Variants in PRRC2B observed in about 807,000 individuals in gnomAD.
PRRC2B encodes proline rich coiled-coil 2B.
In PRRC2B, 68 loss-of-function variants were observed where a neutral mutation model predicts 242.3. That is an observed-to-expected ratio of 0.28 (90% CI 0.23 to 0.34). The LOEUF is 0.34. PRRC2B is among the 10% of genes least tolerant of loss of function. PRRC2B has a pLI of 1.00. For missense variants in PRRC2B, 2,835 were observed against 2,954.8 expected, an observed-to-expected ratio of 0.96 and a Z score of 0.94; for synonymous variants, 1,228 against 1,173.6, an observed-to-expected ratio of 1.05 and a Z score of -0.95.
chr9:131,393,930 G>A (rs879599893), upstream of PRRC2B, among the ~76,000 whole-genome samples: 14 of 147,058 alleles, frequency 9.5e-5, no homozygotes, highest in Admixed American at 4.0e-4. Context: ...GCCCTCGCCC[G>A]GCCCCCGGGC....
chr9:131,388,385 C>T (rs1396946609), intron 1 of PRRC2B, among the ~76,000 whole-genome samples: 1 of 148,442 alleles, frequency 6.7e-6, no homozygotes, highest in Non-Finnish European at 1.5e-5. Context: ...GGATTACAGG[C>T]ATACACCACC....
chr9:131,380,601 C>T (rs987161198), intron 1 of PRRC2B, among the ~76,000 whole-genome samples: 23 of 151,012 alleles, frequency 1.5e-4, no homozygotes, highest in Middle Eastern at 3.5e-3. Context: ...AAAAAAAGGC[C>T]GGCCGCAGTG....
At chr9:131,439,543 G>A (rs1485561630) in intron 5 of PRRC2B, among the ~76,000 whole-genome samples, 1 of 152,130 alleles carries the variant, frequency 6.6e-6, no homozygotes, top group Non-Finnish European at 1.5e-5. Context: ...GCCAGCCAAG[G>A]CTTCACCAGA....
chr9:131,418,364 A>G (rs1837713655), intron 1 of PRRC2B, among the ~76,000 whole-genome samples: 1 of 152,250 alleles, frequency 6.6e-6, no homozygotes. Flanking sequence ...TGTTTGCCCC[A>G]GAGAGTGTTT....
At chr9:131,413,605 A>C (rs1425104829) in intron 1 of PRRC2B, among the ~76,000 whole-genome samples, 1 of 152,196 alleles carries the variant, frequency 6.6e-6, no homozygotes, top group African/African-American at 2.4e-5. Context: ...TGGCTTCAGA[A>C]TCATCCTGCC....
At chr9:131,447,510 G>A (rs1007702252) in intron 8 of PRRC2B, among the ~76,000 whole-genome samples, 152 bp from the exon 9 acceptor site, 4 of 152,122 alleles carry the variant, frequency 2.6e-5, no homozygotes, top group Non-Finnish European at 4.4e-5. Context: ...GGATGTACTC[G>A]TTTGCTCATT....
rs201712590 is a variant in PRRC2B at position 131,430,120 on chromosome 9, C to T, written c.-25C>T. 133 of 1,409,624 alleles carry T rather than the reference C, an allele frequency of 9.4e-5. 1 individual carries two copies. Among genetic ancestry groups the T allele is most frequent in the Middle Eastern group, 1.8e-4 (1 of 5,678 alleles). The allele number at this position is 1,409,624 out of a possible 1,614,324, so 87.3% of individuals were successfully genotyped here. A position where few individuals can be genotyped will look rare whatever the true frequency, so the allele number is the denominator to read the frequency against. On this transcript the variant is annotated 5_prime_UTR_variant, in exon 2 of 32. Transcript: ENST00000683519. ...TCGGGAGCGGTGCCGAGAAAAATTT[C>T]CTTACTAGATGACATTTCATCGCAA...
At chr9:131,460,676 A>T (rs1470194856) in intron 11 of PRRC2B, among the ~76,000 whole-genome samples, 1 of 152,164 alleles carries the variant, frequency 6.6e-6, no homozygotes, top group African/African-American at 2.4e-5. Flanking sequence ...TATTTACATC[A>T]GTGGGTGTAA....
At chr9:131,414,807 T>A (rs1165647332) in intron 1 of PRRC2B, among the ~76,000 whole-genome samples, 1 of 152,044 alleles carries the variant, frequency 6.6e-6, no homozygotes, top group East Asian at 1.9e-4. Flanking sequence ...TGACCTCAAG[T>A]GATCCACCCG....
At chr9:131,426,368 A>T (rs1197047174) in intron 1 of PRRC2B, among the ~76,000 whole-genome samples, 1 of 149,670 alleles carries the variant, frequency 6.7e-6, no homozygotes, top group African/African-American at 2.5e-5. Context: ...AAAGAAAAAG[A>T]AAAAAAGAAG....
At chr9:131,374,828 A>T (rs1564267767) in intron 1 of PRRC2B, among the ~76,000 whole-genome samples, 2 of 149,396 alleles carry the variant, frequency 1.3e-5, no homozygotes, top group African/African-American at 4.9e-5. Flanking sequence ...TGCCCAGCCG[A>T]TTTTTTTTTT....
intron 28 of PRRC2B, among the ~76,000 whole-genome samples, chr9:131,490,025 A>G (rs150145190): frequency 2.8e-3 from 424 of 152,008 alleles, no homozygotes; most frequent in African/African-American, 1.0e-2. Context: ...ATGGCTCTAA[A>G]TTCCTTCATC....
chr9:131,403,656 A>G (rs904599836), intron 1 of PRRC2B, among the ~76,000 whole-genome samples: 1 of 65,682 alleles, frequency 1.5e-5, no homozygotes, highest in Admixed American at 2.1e-4. Context: ...CGCCTGGCCC[A>G]TACTTTAAAA....
intron 11 of PRRC2B, among the ~76,000 whole-genome samples, chr9:131,462,853 A>AAAAAAT (rs1943282847): frequency 6.6e-6 from 1 of 151,534 alleles, no homozygotes; most frequent in South Asian, 2.1e-4. Context: ...AAAAAAAAAA[A>AAAAAAT]AAAGGTCTCA....
intron 16 of PRRC2B, among the ~76,000 whole-genome samples, chr9:131,476,763 G>A (rs1007313954): frequency 4.7e-5 from 7 of 149,126 alleles, no homozygotes; most frequent in African/African-American, 1.7e-4. Context: ...GTGCTCTTGA[G>A]GCCACTGTCC....
rs2131498025 is a variant in PRRC2B at position 131,498,079 on chromosome 9, T to C, written c.*2205T>C. On this transcript the variant is annotated 3_prime_UTR_variant, in exon 32 of 32. Coordinates refer to ENST00000683519, the MANE Select transcript of PRRC2B (RefSeq NM_013318.4). ...GAAAGCCTTCTGGATGCTGTTAAGATGTACCCTTCAGGTGAACCTGGTATC... is the reference window on the plus strand; with the variant it reads ...GAAAGCCTTCTGGATGCTGTTAAGACGTACCCTTCAGGTGAACCTGGTATC... 1 of 152,330 alleles carries C rather than the reference T, an allele frequency of 6.6e-6. No individual in the cohort carries two copies. The highest frequency in any genetic ancestry group is 2.4e-5 in the African/African-American group (1 of 41,564). 9.4% of individuals were successfully genotyped at this position (152,330 alleles called of 1,614,324 possible). A position where few individuals can be genotyped will look rare whatever the true frequency, so the allele number is the denominator to read the frequency against.
intron 19 of PRRC2B, among the ~76,000 whole-genome samples, chr9:131,480,792 C>T (rs1026660092): frequency 2.0e-5 from 3 of 151,870 alleles, no homozygotes; most frequent in Non-Finnish European, 2.9e-5. Flanking sequence ...TTCTGGGCTC[C>T]GGATCCATGG....
chr9:131,490,690 TC>T, intron 28 of PRRC2B: 1 of 472,596 alleles, frequency 2.1e-6, no homozygotes, highest in Non-Finnish European at 4.3e-6. Flanking sequence ...TACCCTGTTC[TC>T]CTGTCAGCAT....
rs148010417 is a variant in PRRC2B, at chr9:131,459,275, G to T, written c.1323G>T (p.Ala441=). Residue 441 remains alanine, a synonymous_variant, in exon 11 of 32, where the codon GCG becomes GCT. Transcript: ENST00000683519. The part of the protein sequence containing the change: ...EGKDWAEAVG[A]SRVVRKAPDP... ...AGGACTGGGCTGAAGCAGTGGGTGC[G>T]TCCCGTGTGGTCCGAAAGGCGCCAG... is the stretch of plus-strand genomic sequence containing the variant. 107 of 1,613,914 alleles carry T rather than the reference G, an allele frequency of 6.6e-5. No homozygotes were observed. The East Asian group carries it at 2.3e-3, about 35-fold the overall frequency.
Sources: gnomAD v4.1 joint callset for allele counts (sites outside exome capture counted in the v4.1 genomes callset) on GRCh38, gnomAD v4.1.1 for gene constraint, MANE v1.5 for transcripts, NCBI Gene and HGNC (gene_info 2026-07-23, HGNC 2026-07-21) for gene names.